Variants in GRID1 observed in about 807,000 individuals in gnomAD.
GRID1 encodes glutamate ionotropic receptor delta type subunit 1.
Under a neutral mutation model 98.0 loss-of-function variants are expected in GRID1, and 28 were observed. The ratio of observed to expected loss-of-function variants is 0.29; its 90% CI spans 0.21 to 0.39. The LOEUF is 0.39. Among genes scored for constraint, GRID1 ranks in the 10% least tolerant of loss-of-function variants. The pLI, the probability that GRID1 is intolerant of heterozygous loss-of-function variation, is 1.00. For missense variants in GRID1, 1,111 were observed against 1,340.5 expected (o/e 0.83, Z 2.67); for synonymous variants, 553 against 538.5 (o/e 1.03, Z -0.37).
intron 4 of GRID1, among the ~76,000 whole-genome samples, chr10:85,984,814 C>T (rs564239600): frequency 6.6e-6 from 1 of 152,176 alleles, no homozygotes; most frequent in East Asian, 1.9e-4. Context: ...AGGAGCAAAC[C>T]ATGGGGCACT....
intron 3 of GRID1, among the ~76,000 whole-genome samples, chr10:86,167,472 C>T (rs1845416986): frequency 1.3e-5 from 2 of 152,192 alleles, no homozygotes; most frequent in Non-Finnish European, 1.5e-5. Context: ...ACACCCTGCC[C>T]CTGGCTGTTC....
At chr10:86,174,100 G>T (rs992686988) in intron 3 of GRID1, among the ~76,000 whole-genome samples, 1 of 152,106 alleles carries the variant, frequency 6.6e-6, no homozygotes, top group Admixed American at 6.5e-5. Context: ...CCAGTAATGG[G>T]ATGGCTGGGT....
At chr10:85,624,711 C>T (rs1000564479) in intron 13 of GRID1, among the ~76,000 whole-genome samples, 13 of 152,016 alleles carry the variant, frequency 8.6e-5, no homozygotes, top group Admixed American at 3.9e-4. Flanking sequence ...TCATGGCTAC[C>T]GGCACCACAA....
chr10:86,316,318 C>A (rs1389996436), intron 2 of GRID1, among the ~76,000 whole-genome samples: 1 of 152,260 alleles, frequency 6.6e-6, no homozygotes, highest in Admixed American at 6.5e-5. Flanking sequence ...CACCCTCCCA[C>A]ACACCCTCAC....
intron 2 of GRID1, among the ~76,000 whole-genome samples, chr10:86,266,519 T>C (rs1388912207): frequency 6.6e-6 from 1 of 152,220 alleles, no homozygotes; most frequent in Non-Finnish European, 1.5e-5. Context: ...CCTGATCTTT[T>C]ACACACCACA....
At chr10:86,170,021 T>C (rs1845459474) in intron 3 of GRID1, among the ~76,000 whole-genome samples, 1 of 152,170 alleles carries the variant, frequency 6.6e-6, no homozygotes, top group Non-Finnish European at 1.5e-5. Context: ...AGCACTGCCA[T>C]GGACTCTCAG....
intron 4 of GRID1, among the ~76,000 whole-genome samples, chr10:85,921,467 C>T (rs999716951): frequency 6.6e-6 from 1 of 152,236 alleles, no homozygotes; most frequent in Non-Finnish European, 1.5e-5. Context: ...AGGACACCAA[C>T]AGGCCATTCT....
In GRID1 at chr10:85,620,028, C is replaced by T; in HGVS notation, c.2199G>A (p.Lys733=). The T allele has an allele frequency of 1.2e-6, 2 of 1,613,588 alleles. No homozygotes were observed. Among genetic ancestry groups the T allele is most frequent in the Non-Finnish European group, 1.7e-6 (2 of 1,179,554 alleles). The change falls in exon 14 of 16, where the codon AAG becomes AAA. Residue 733 remains lysine (K), a synonymous_variant. Coordinates refer to ENST00000327946, the MANE Select transcript of GRID1 (RefSeq NM_017551.3). ...CCCACAGGAAGGCGTAGTTCCCCTT[C>T]TTTGCCTGAAAGATCAAAATTACCA... ...SSPSEGIRKA[K]KGNYAFLWDV...
intron 3 of GRID1, among the ~76,000 whole-genome samples, chr10:86,197,785 A>C (rs1845897421): frequency 6.6e-6 from 1 of 152,052 alleles, no homozygotes; most frequent in South Asian, 2.1e-4. Flanking sequence ...GGAACTTCAG[A>C]GTTAATAAAC....
chr10:86,300,521 G>T (rs1472089760), intron 2 of GRID1, among the ~76,000 whole-genome samples: 1 of 24,686 alleles, frequency 4.1e-5, no homozygotes, highest in African/African-American at 9.0e-5. Context: ...GAAGGGAGGG[G>T]AAGGGAGGGG....
chr10:86,275,142 C>T (rs1222661937), intron 2 of GRID1, among the ~76,000 whole-genome samples: 4 of 152,046 alleles, frequency 2.6e-5, no homozygotes, highest in African/African-American at 9.7e-5. Context: ...TCATGGCATT[C>T]AAGGAATTAT....
chr10:86,118,476 C>A (rs1332212577), intron 4 of GRID1, among the ~76,000 whole-genome samples: 1 of 151,832 alleles, frequency 6.6e-6, no homozygotes, highest in East Asian at 1.9e-4. Context: ...CCCCAAGAAC[C>A]TATTGAAATA....
chr10:86,221,769 G>A (rs1846257507), intron 2 of GRID1, among the ~76,000 whole-genome samples: 1 of 152,218 alleles, frequency 6.6e-6, no homozygotes, highest in Admixed American at 6.5e-5. Context: ...GAGGGGCTTT[G>A]TTTTGATCCC....
chr10:85,748,120 A>G (rs1231550600), intron 8 of GRID1, among the ~76,000 whole-genome samples: 1 of 151,802 alleles, frequency 6.6e-6, no homozygotes, highest in African/African-American at 2.4e-5. Flanking sequence ...GTCGGCAGCC[A>G]AGAGTGTCTG....
intron 5 of GRID1, among the ~76,000 whole-genome samples, chr10:85,886,476 TG>T (rs1278966849): frequency 1.3e-5 from 2 of 152,180 alleles, no homozygotes; most frequent in African/African-American, 4.8e-5. Flanking sequence ...GGACTTGAAA[TG>T]GGGTACAGGG....
chr10:86,069,607 C>T (rs1843772877), intron 4 of GRID1, among the ~76,000 whole-genome samples: 1 of 152,124 alleles, frequency 6.6e-6, no homozygotes, highest in Non-Finnish European at 1.5e-5. Context: ...GAGATCGCAC[C>T]ACTGCACTCT....
intron 12 of GRID1, among the ~76,000 whole-genome samples, chr10:85,676,598 A>G (rs1841148078): frequency 6.6e-6 from 1 of 152,204 alleles, no homozygotes; most frequent in African/African-American, 2.4e-5. Context: ...ACACACCACA[A>G]TGGAGACGCA....
At chr10:85,617,763 C>A (rs1411066279) in intron 14 of GRID1, among the ~76,000 whole-genome samples, 1 of 152,220 alleles carries the variant, frequency 6.6e-6, no homozygotes. Context: ...ACTGGACTAG[C>A]CACATTTGAT....
intron 8 of GRID1, among the ~76,000 whole-genome samples, chr10:85,734,600 C>A (rs1841859063): frequency 6.6e-6 from 1 of 152,176 alleles, no homozygotes; most frequent in African/African-American, 2.4e-5. Flanking sequence ...TTCTGCCTTT[C>A]AAACACATCA....
Sources: allele counts gnomAD v4.1 joint callset (sites outside exome capture counted in the v4.1 genomes callset), GRCh38; gene constraint gnomAD v4.1.1; transcripts MANE v1.5; gene names NCBI Gene and HGNC (gene_info 2026-07-23, HGNC 2026-07-21).